Variants in MMS22L observed in about 807,000 individuals in gnomAD.
MMS22L encodes MMS22 like, DNA repair protein, also known as protein MMS22-like.
In MMS22L, 74 loss-of-function variants were observed where a neutral mutation model predicts 159.1. The observed-to-expected ratio is 0.47, with a 90% CI of 0.39 to 0.56. MMS22L has a LOEUF of 0.56. Among genes scored for constraint, MMS22L ranks in the 20% least tolerant of loss-of-function variants. MMS22L has a pLI of 0.00. For missense variants in MMS22L, 1,351 were observed against 1,422.1 expected (o/e 0.95, Z 0.80); for synonymous variants, 517 against 506.9 (o/e 1.02, Z -0.27).
chr6:97,186,400 G>A, intron 15 of MMS22L, 97 bp downstream of exon 15: 1 of 923,840 alleles, frequency 1.1e-6, no homozygotes, highest in Non-Finnish European at 1.5e-6. Flanking sequence ...CTGACAAAAT[G>A]TTTGCTATAC....
Position 97,186,605 on chromosome 6 carries a change from G to A in MMS22L, c.2125C>T (p.His709Tyr), listed in dbSNP as rs1805262202. 6.2e-7 allele frequency: 1 copy of A among 1,611,962 alleles called. No homozygotes were observed. Among genetic ancestry groups the A allele is most frequent in the South Asian group, 1.1e-5 (1 of 90,862 alleles). ...AGTGCACTGGCAACTGCAGCAAGGT[G>A]GCGCTCTTTAGCCGATAATGAAGAC... ...VQSSLSAKER[H>Y]LAAVASALWR... The change falls in exon 15 of 25, where the codon CAC becomes TAC. Residue 709 changes from histidine to tyrosine, a missense_variant. By Grantham distance (83) the His-to-Tyr change is moderately conservative. Coordinates refer to ENST00000683635, the MANE Select transcript of MMS22L (RefSeq NM_001350599.2).
intron 24 of MMS22L, 140 bp downstream of exon 24, chr6:97,149,713 A>C (rs1801130209): frequency 1.3e-6 from 1 of 769,464 alleles, no homozygotes; most frequent in African/African-American, 1.8e-5. Flanking sequence ...TAAAACTGAT[A>C]ATCACAGTAC....
At chr6:97,224,110 A>G (rs1232087188) in intron 14 of MMS22L, among the ~76,000 whole-genome samples, 1 of 152,184 alleles carries the variant, frequency 6.6e-6, no homozygotes, top group Non-Finnish European at 1.5e-5. Context: ...CTTTTTGCAC[A>G]GGCTAATCCT....
At chr6:97,197,724 T>C (rs957340400) in intron 14 of MMS22L, among the ~76,000 whole-genome samples, 1 of 152,108 alleles carries the variant, frequency 6.6e-6, no homozygotes, top group South Asian at 2.1e-4. Context: ...CAGTTAGGAA[T>C]TGGTGACTAA....
At chr6:97,182,114 C>A in intron 15 of MMS22L, 60 bp from the exon 16 acceptor site, 5 of 1,406,854 alleles carry the variant, frequency 3.6e-6, no homozygotes, top group East Asian at 2.3e-5. Flanking sequence ...TTCTGACCCA[C>A]ACACCCCTGG....
intron 20 of MMS22L, 41 bp from the exon 21 acceptor site, chr6:97,165,498 T>C: frequency 6.6e-7 from 1 of 1,519,650 alleles, no homozygotes; most frequent in Non-Finnish European, 9.0e-7. Flanking sequence ...AGGTAAAGTT[T>C]CAAAGAACAA....
chr6:97,207,094 C>T (rs1156675572), intron 14 of MMS22L, among the ~76,000 whole-genome samples: 4 of 152,098 alleles, frequency 2.6e-5, no homozygotes, highest in Non-Finnish European at 2.9e-5. Flanking sequence ...CTAAAATGTT[C>T]GTGAGAATTC....
intron 16 of MMS22L, among the ~76,000 whole-genome samples, chr6:97,181,255 G>A (rs1279569330): frequency 6.6e-6 from 1 of 152,124 alleles, no homozygotes; most frequent in East Asian, 1.9e-4. Context: ...AGACCTCTTA[G>A]GCTTGTATAT....
chr6:97,172,245 C>T (rs557964650), intron 19 of MMS22L, among the ~76,000 whole-genome samples: 2 of 151,980 alleles, frequency 1.3e-5, no homozygotes, highest in Non-Finnish European at 2.9e-5. Flanking sequence ...TATAGCTTTT[C>T]CTGTAATTTA....
At chr6:97,175,596 G>A (rs1233840328) in intron 18 of MMS22L, among the ~76,000 whole-genome samples, 3 of 151,866 alleles carry the variant, frequency 2.0e-5, no homozygotes, top group African/African-American at 7.3e-5. Flanking sequence ...GCCTATATTC[G>A]TCATTTGGAA....
In MMS22L at chr6:97,179,401, T is replaced by C; in HGVS notation, c.2536+7A>G. Reference sequence around the variant, plus strand: ...CCATCCTCCCCAAAAAACGTACACTTACTTACCAACTGCCTCTTCCAGATT... The same window carrying C: ...CCATCCTCCCCAAAAAACGTACACTCACTTACCAACTGCCTCTTCCAGATT... On this transcript the variant is annotated splice_region_variant and intron_variant, in intron 17 of 24. Coordinates refer to ENST00000683635, the MANE Select transcript of MMS22L (RefSeq NM_001350599.2). 4.3e-6 allele frequency: 7 copies of C among 1,611,328 alleles called. No homozygotes were observed. Among genetic ancestry groups the C allele is most frequent in the Non-Finnish European group, 5.1e-6 (6 of 1,178,760 alleles).
chr6:97,267,928 G>T lies in MMS22L; in HGVS notation c.772C>A (p.His258Asn). 6.2e-7 allele frequency: 1 copy of T among 1,609,896 alleles called. No homozygotes were observed. The highest frequency in any genetic ancestry group is 8.5e-7 in the Non-Finnish European group (1 of 1,178,608). Reference protein sequence around the residue: ...NLTNISLFEEHCETLLCDLIS... With the variant: ...NLTNISLFEENCETLLCDLIS... ...AAATCACAAAGGAGAGTTTCACAAT[G>T]TTCTTCAAATAGGCTGATGTTGGTT... The change falls in exon 8 of 25, where the codon CAT becomes AAT. Residue 258 changes from histidine to asparagine, a missense_variant. Transcript: ENST00000683635.
intron 14 of MMS22L, among the ~76,000 whole-genome samples, chr6:97,219,862 C>T (rs543893251): frequency 6.6e-5 from 10 of 152,286 alleles, no homozygotes; most frequent in Non-Finnish European, 7.4e-5. Context: ...TTAATTCCAT[C>T]TCTACCTCTC....
chr6:97,162,261 C>A, intron 21 of MMS22L, 96 bp from the exon 22 acceptor site: 1 of 988,560 alleles, frequency 1.0e-6, no homozygotes, highest in East Asian at 2.6e-5. Flanking sequence ...AAATTTACCC[C>A]CCAAATTAAT....
At position 97,251,111 on chromosome 6, in the gene MMS22L, T is replaced by A. The variant is rs1315553376; in HGVS notation, c.1119+3446A>T. 2.6e-5 allele frequency among the ~76,000 whole-genome samples: 4 copies of A among 152,258 alleles called. No individual in the cohort carries two copies. The South Asian group carries it at 6.2e-4, about 24-fold the overall frequency. On this transcript the variant is annotated intron_variant, in intron 10 of 24. Coordinates refer to ENST00000683635, the MANE Select transcript of MMS22L (RefSeq NM_001350599.2). ...ATTTGTCAATTAAGCTGAAACACTT[T>A]GAGGATAAAAGCAAAAATTAACCAG...
intron 19 of MMS22L, among the ~76,000 whole-genome samples, chr6:97,169,524 A>G (rs966104356): frequency 6.6e-6 from 1 of 152,180 alleles, no homozygotes; most frequent in Non-Finnish European, 1.5e-5. Context: ...AAACCAAAAT[A>G]TGCTTATGGA....
chr6:97,246,547 C>A, intron 11 of MMS22L, 81 bp downstream of exon 11: 1 of 1,093,040 alleles, frequency 9.1e-7, no homozygotes, highest in Non-Finnish European at 1.3e-6. Flanking sequence ...ATCATTTTAA[C>A]AGCTTGCTTG....
chr6:97,168,774 T>C (rs549502157), intron 19 of MMS22L, among the ~76,000 whole-genome samples: 2 of 152,260 alleles, frequency 1.3e-5, no homozygotes, highest in East Asian at 1.9e-4. Flanking sequence ...TGTGACTACA[T>C]TGGCTGAATG....
intron 2 of MMS22L, 131 bp downstream of exon 2, chr6:97,282,183 T>C: frequency 1.2e-6 from 1 of 858,196 alleles, no homozygotes; most frequent in Non-Finnish European, 1.8e-6. Context: ...ATTTGTACCC[T>C]TATGATATAC....
Sources: allele counts gnomAD v4.1 joint callset (sites outside exome capture counted in the v4.1 genomes callset), GRCh38; gene constraint gnomAD v4.1.1; transcripts MANE v1.5; gene names NCBI Gene and HGNC (gene_info 2026-07-23, HGNC 2026-07-21).